PPM1K: variants seen among roughly 807,000 people sequenced by gnomAD.
PPM1K encodes protein phosphatase, Mg2+/Mn2+ dependent 1K.
Under a neutral mutation model 32.6 loss-of-function variants are expected in PPM1K, and 19 were observed. That is an observed-to-expected ratio of 0.58 (90% CI 0.41 to 0.86). PPM1K has a LOEUF of 0.86. PPM1K is among the 40% of genes least tolerant of loss of function. PPM1K has a pLI of 0.00. For synonymous variants in PPM1K, 159 were observed against 165.3 expected (o/e 0.96, Z 0.29); for missense variants, 362 against 461.2 (o/e 0.78, Z 1.97).
chr4:88,268,453 T>C (rs1731423461), intron 4 of PPM1K, 119 bp from the exon 5 acceptor site: 1 of 1,219,860 alleles, frequency 8.2e-7, no homozygotes, highest in Non-Finnish European at 1.2e-6. Flanking sequence ...AAACCCCGTC[T>C]CTACTAAAAA....
At chr4:88,264,886 A>G in intron 6 of PPM1K, 115 bp downstream of exon 6, 1 of 1,072,946 alleles carries the variant, frequency 9.3e-7, no homozygotes, top group Non-Finnish European at 1.3e-6. Flanking sequence ...ATAATTGGAA[A>G]TATTATGGAA....
intron 5 of PPM1K, among the ~76,000 whole-genome samples, chr4:88,266,605 G>T (rs1731316437): frequency 6.6e-6 from 1 of 150,862 alleles, no homozygotes. Context: ...CTGGGTGCAG[G>T]TGATGTTGGC....
intron 5 of PPM1K, among the ~76,000 whole-genome samples, chr4:88,267,587 C>A (rs1178482248): frequency 6.6e-6 from 1 of 152,200 alleles, no homozygotes; most frequent in Non-Finnish European, 1.5e-5. Context: ...ACTGAAAAGG[C>A]AGGGGTACAC....
chr4:88,278,716 G>C lies in PPM1K; in HGVS notation c.-59-74C>G. On this transcript the variant is annotated intron_variant, in intron 1 of 6. Transcript: ENST00000608933. The surrounding 1 kb of genome is among the most constrained non-coding windows in gnomAD (Gnocchi z 4.2). ...AGAGGAGGAGAGGGAGAGAGACAGA[G>C]AGAGAGAGACCATCAGAAATTTTGA... The C allele has an allele frequency of 1.5e-6, 1 of 677,884 alleles. No individual in the cohort carries two copies. The highest frequency in any genetic ancestry group is 2.5e-6 in the Non-Finnish European group (1 of 407,292). The allele number at this position is 677,884 out of a possible 1,614,324, so 42.0% of individuals were successfully genotyped here. A position where few individuals can be genotyped will look rare whatever the true frequency, so the allele number is the denominator to read the frequency against.
rs558766921 is a variant in PPM1K at position 88,272,947 on chromosome 4, A to C, written c.542-4041T>G. Among the ~76,000 whole-genome samples, 8 of 152,318 alleles carry C rather than the reference A, an allele frequency of 5.3e-5. No individual in the cohort carries two copies. In the South Asian group the frequency reaches 1.7e-3, roughly 32 times the overall value. On this transcript the variant is annotated intron_variant, in intron 3 of 6. Transcript: ENST00000608933. The stretch of plus-strand genomic sequence containing the variant: ...TTGGCATCGTCTCATTTCTGAAAGG[A>C]CTGAATGCACATAAAAGTCTCTTGC...
Position 88,267,192 on chromosome 4 carries a change from CTGAT to C in PPM1K, c.852+994_852+997del, listed in dbSNP as rs575181083. ...GCTGGCTGATTGGGTGCAAGTGATG[CTGAT>C]TGATTGGGTGCAGGTGATGCTGGCT... On this transcript the variant is annotated intron_variant, in intron 5 of 6. Transcript: ENST00000608933. Among the ~76,000 whole-genome samples, 694 of 139,192 alleles carry C rather than the reference CTGAT, an allele frequency of 5.0e-3. 7 individuals are homozygous for C. The highest frequency in any genetic ancestry group is 0.017 in the African/African-American group (612 of 36,246). 91.3% of individuals were successfully genotyped at this position (139,192 alleles called of 152,430 possible).
intron 1 of PPM1K, among the ~76,000 whole-genome samples, chr4:88,280,871 G>A (rs537321312): frequency 6.6e-5 from 10 of 152,240 alleles, no homozygotes; most frequent in African/African-American, 1.7e-4. Flanking sequence ...GAGAGAGAGC[G>A]AGAGAGAGAA....
chr4:88,263,122 C>T (rs900362255), intron 6 of PPM1K, among the ~76,000 whole-genome samples: 2 of 152,078 alleles, frequency 1.3e-5, no homozygotes, highest in Non-Finnish European at 2.9e-5. Context: ...AATTCAATTC[C>T]CTTTAGGGAA....
intron 3 of PPM1K, chr4:88,275,048 T>C (rs181769888): frequency 4.5e-5 from 37 of 821,626 alleles, no homozygotes; most frequent in Non-Finnish European, 5.4e-5. Flanking sequence ...TCTTGCTCCA[T>C]TATACTTTCA....
At chr4:88,281,930 G>A (rs1338253961) in intron 1 of PPM1K, among the ~76,000 whole-genome samples, 1 of 152,028 alleles carries the variant, frequency 6.6e-6, no homozygotes, top group Admixed American at 6.6e-5. Flanking sequence ...AGCAAGGCAA[G>A]GGGAGTAGAA....
intron 5 of PPM1K, among the ~76,000 whole-genome samples, chr4:88,266,702 AGCTGATTGGGTGCAGGTGAT>A (rs1354035060): frequency 4.8e-4 from 23 of 47,490 alleles, no homozygotes; most frequent in Admixed American, 1.7e-3. Context: ...TGCAGGTGTT[AGCTGATTGGGTGCAGGTGAT>A]GCTGATTGGG....
chr4:88,265,607 C>T (rs114295837), intron 5 of PPM1K, among the ~76,000 whole-genome samples: 9 of 152,030 alleles, frequency 5.9e-5, no homozygotes, highest in African/African-American at 2.2e-4. Context: ...GAGAACAGAC[C>T]AATACATAGG....
At chr4:88,264,928 G>A in intron 6 of PPM1K, 73 bp downstream of exon 6, 4 of 1,482,946 alleles carry the variant, frequency 2.7e-6, no homozygotes, top group Non-Finnish European at 3.6e-6. Flanking sequence ...ACACTCAAAA[G>A]CTAAAACACA....
chr4:88,276,221 T>G (rs1257402273), intron 3 of PPM1K: 2 of 985,328 alleles, frequency 2.0e-6, no homozygotes, highest in African/African-American at 3.5e-5. Flanking sequence ...TCTATCCTTA[T>G]GTATTCCAAC....
At chr4:88,276,862 A>C in intron 3 of PPM1K, 1 of 1,017,636 alleles carries the variant, frequency 9.8e-7, no homozygotes, top group Non-Finnish European at 1.2e-6. Flanking sequence ...AAACATTTTT[A>C]AAATCTTTTA....
intron 5 of PPM1K, among the ~76,000 whole-genome samples, chr4:88,266,494 G>A (rs1378876194): frequency 6.7e-6 from 1 of 149,560 alleles, no homozygotes; most frequent in African/African-American, 2.5e-5. Flanking sequence ...TGCAGGTGAT[G>A]CTGGCTGAAT....
chr4:88,281,126 G>A (rs917129638), intron 1 of PPM1K, among the ~76,000 whole-genome samples: 1 of 151,676 alleles, frequency 6.6e-6, no homozygotes, highest in Non-Finnish European at 1.5e-5. Context: ...AAAAAAAAAA[G>A]AACTTTAAAG....
chr4:88,268,379 T>C (rs749118147), intron 4 of PPM1K, 45 bp from the exon 5 acceptor site: 6 of 1,609,668 alleles, frequency 3.7e-6, no homozygotes, highest in Non-Finnish European at 5.1e-6. Context: ...AGAAAACCCT[T>C]TGGGAGGCCA....
rs921283588 is a variant in PPM1K, at chr4:88,262,514, G to C, written c.*81C>G. 3.3e-6 allele frequency: 5 copies of C among 1,512,980 alleles called. No homozygotes were observed. The highest frequency in any genetic ancestry group is 3.8e-5 in the Admixed American group (2 of 51,992). The allele number at this position is 1,512,980 out of a possible 1,614,324, so 93.7% of individuals were successfully genotyped here. On this transcript the variant is annotated 3_prime_UTR_variant, in exon 7 of 7. Transcript: ENST00000608933. ...ACTTGTGCGCTGATCTAGTGAGTTA[G>C]GAGACCTTTTTGATCTTATCAGTTT...
Sources: allele counts gnomAD v4.1 joint callset (sites outside exome capture counted in the v4.1 genomes callset), GRCh38; gene constraint gnomAD v4.1.1; non-coding constraint Gnocchi (gnomAD v3.1); transcripts MANE v1.5; gene names NCBI Gene and HGNC (gene_info 2026-07-23, HGNC 2026-07-21).